Variants in CCDC25 observed in about 807,000 individuals in gnomAD.
The protein encoded by CCDC25 is coiled-coil domain-containing protein 25.
Under a neutral mutation model 35.3 loss-of-function variants are expected in CCDC25, and 16 were observed. The observed-to-expected ratio is 0.45, with a 90% CI of 0.31 to 0.69. The LOEUF is 0.69. Among genes scored for constraint, CCDC25 ranks in the 30% least tolerant of loss-of-function variants. CCDC25 has a pLI of 0.06. For missense variants in CCDC25, 179 were observed against 250.7 expected (o/e 0.71, Z 1.93); for synonymous variants, 79 against 80.3 (o/e 0.98, Z 0.09).
chr8:27,757,329 G>T (rs1277882813), intron 3 of CCDC25, among the ~76,000 whole-genome samples: 2 of 152,212 alleles, frequency 1.3e-5, no homozygotes, highest in Admixed American at 1.3e-4. Context: ...AGAGCTGGAA[G>T]AGTTAGGTGG....
chr8:27,740,458 C>G lies in CCDC25; in HGVS notation c.597+14G>C. 1 of 1,609,578 alleles carries G rather than the reference C, an allele frequency of 6.2e-7. No individual in the cohort carries two copies. The highest frequency in any genetic ancestry group is 8.5e-7 in the Non-Finnish European group (1 of 1,177,788). On this transcript the variant is annotated intron_variant, in intron 8 of 8. Transcript: ENST00000356537. The stretch of plus-strand genomic sequence containing the variant: ...ATTTCAAGGCAAACATTCATGCAAA[C>G]CACTTGAACATACCTGATTTGAAGA...
At chr8:27,754,568 G>A (rs1213631201) in intron 4 of CCDC25, 1 of 152,300 alleles carries the variant, frequency 6.6e-6, no homozygotes, top group Non-Finnish European at 1.5e-5. Flanking sequence ...ATGGCTCACT[G>A]AAGCCTCAGC....
chr8:27,736,011 A>C lies in CCDC25; in HGVS notation c.*205T>G. 2.0e-6 allele frequency: 1 copy of C among 495,206 alleles called. No homozygotes were observed. The highest frequency in any genetic ancestry group is 3.6e-6 in the Non-Finnish European group (1 of 279,394). 30.7% of individuals were successfully genotyped at this position (495,206 alleles called of 1,614,324 possible). ...TTTCACTTTAAGTTATATGCTGTCA[A>C]GTTCAACTATTTTATACATATCTGA... On this transcript the variant is annotated 3_prime_UTR_variant, in exon 9 of 9. Transcript: ENST00000356537.
At chr8:27,767,033 A>G (rs975150606) in intron 1 of CCDC25, among the ~76,000 whole-genome samples, 1 of 152,196 alleles carries the variant, frequency 6.6e-6, no homozygotes, top group African/African-American at 2.4e-5. Flanking sequence ...CTGCTATAAA[A>G]CATACAGATG....
chr8:27,744,335 A>G (rs577427137), intron 7 of CCDC25, among the ~76,000 whole-genome samples: 1 of 152,320 alleles, frequency 6.6e-6, no homozygotes, highest in South Asian at 2.1e-4. Flanking sequence ...CACTCACTGC[A>G]CAGACAAAGC....
At chr8:27,754,117 G>GA (rs1454166994) in intron 4 of CCDC25, among the ~76,000 whole-genome samples, 1 of 152,014 alleles carries the variant, frequency 6.6e-6, no homozygotes, top group South Asian at 2.1e-4. Context: ...CCATTCCTAA[G>GA]AATTATTCTA....
At chr8:27,750,141 C>T (rs1009541166) in intron 5 of CCDC25, among the ~76,000 whole-genome samples, 1 of 152,134 alleles carries the variant, frequency 6.6e-6, no homozygotes, top group African/African-American at 2.4e-5. Flanking sequence ...AAAAGGAGAA[C>T]TGATCAAATG....
intron 1 of CCDC25, among the ~76,000 whole-genome samples, chr8:27,766,706 G>C (rs1804411850): frequency 6.6e-6 from 1 of 151,986 alleles, no homozygotes; most frequent in South Asian, 2.1e-4. Context: ...TACCATAATA[G>C]AGTACCAAAA....
chr8:27,758,972 A>G (rs773443743), intron 3 of CCDC25, among the ~76,000 whole-genome samples: 1 of 152,218 alleles, frequency 6.6e-6, no homozygotes, highest in Non-Finnish European at 1.5e-5. Flanking sequence ...AATGGATGAA[A>G]GTATAAGAGA....
At position 27,736,130 on chromosome 8, in the gene CCDC25, A is replaced by G. The variant is rs561280999; in HGVS notation, c.*86T>C. The G allele has an allele frequency of 2.6e-5, 34 of 1,287,726 alleles. 1 individual carries two copies. The South Asian group carries it at 4.6e-4, about 17-fold the overall frequency. 79.8% of individuals were successfully genotyped at this position (1,287,726 alleles called of 1,614,324 possible). ...GAAGGTAGAATTTTGGTTGTATTTT[A>G]TATTTCAGAACACAGATGAAACCAA... is the stretch of plus-strand genomic sequence containing the variant. On this transcript the variant is annotated 3_prime_UTR_variant, in exon 9 of 9. Transcript: ENST00000356537.
At chr8:27,770,676 T>C (rs1485881528) in intron 1 of CCDC25, among the ~76,000 whole-genome samples, 1 of 150,390 alleles carries the variant, frequency 6.6e-6, no homozygotes, top group Non-Finnish European at 1.5e-5. Context: ...GAGGCAGAGG[T>C]TGCAGTGAGC....
At chr8:27,764,310 T>G (rs1804326716) in intron 2 of CCDC25, 1 of 194,116 alleles carries the variant, frequency 5.2e-6, no homozygotes, top group Admixed American at 6.3e-5. Context: ...TCTCGCTGTC[T>G]CTTAAGCTGG....
intron 3 of CCDC25, among the ~76,000 whole-genome samples, chr8:27,758,457 T>G (rs1229749269): frequency 6.6e-6 from 1 of 152,224 alleles, no homozygotes; most frequent in African/African-American, 2.4e-5. Context: ...GAAATGGACA[T>G]AACATCTTAT....
chr8:27,761,256 C>T (rs1038375903), intron 3 of CCDC25, among the ~76,000 whole-genome samples: 10 of 152,180 alleles, frequency 6.6e-5, no homozygotes, highest in Non-Finnish European at 2.9e-5. Flanking sequence ...GCTGCAGCAA[C>T]AGCCTGGGAG....
At chr8:27,747,434 T>A (rs1174070556) in intron 7 of CCDC25, among the ~76,000 whole-genome samples, 1 of 152,218 alleles carries the variant, frequency 6.6e-6, no homozygotes, top group East Asian at 1.9e-4. Flanking sequence ...CCAGTGAGAA[T>A]CTTGCTGGAC....
chr8:27,742,474 A>C (rs1456211197), intron 7 of CCDC25, among the ~76,000 whole-genome samples: 4 of 152,242 alleles, frequency 2.6e-5, no homozygotes, highest in Non-Finnish European at 5.9e-5. Context: ...TCACTTGTGA[A>C]GATTTAACTG....
intron 2 of CCDC25, among the ~76,000 whole-genome samples, chr8:27,762,724 A>G (rs1804269511): frequency 6.6e-6 from 1 of 152,166 alleles, no homozygotes; most frequent in African/African-American, 2.4e-5. Context: ...AGATAATAAA[A>G]CTAACACTGA....
rs1349395792 is a variant in CCDC25 at position 27,772,517 on chromosome 8, G to A, written c.24C>T (p.Ser8=). 5 of 1,549,888 alleles carry A rather than the reference G, an allele frequency of 3.2e-6. No homozygotes were observed. Among genetic ancestry groups the A allele is most frequent in the Non-Finnish European group, 4.4e-6 (5 of 1,146,668 alleles). The part of the protein sequence containing the change: MVFYFTS[S]SVNSSAYTIY... Reference sequence around the variant, plus strand: ...GAGGACGTGGCGCCCACTCACCGCTGCTGCTGGTGAAGTAGAACACCATGA... The same window carrying A: ...GAGGACGTGGCGCCCACTCACCGCTACTGCTGGTGAAGTAGAACACCATGA... The change falls in exon 1 of 9, where the codon AGC becomes AGT. Residue 8 remains serine (S), a synonymous_variant. Coordinates refer to ENST00000356537, the MANE Select transcript of CCDC25 (RefSeq NM_018246.3).
intron 5 of CCDC25, among the ~76,000 whole-genome samples, chr8:27,750,803 C>G (rs1242464294): frequency 1.3e-5 from 2 of 152,144 alleles, no homozygotes; most frequent in Non-Finnish European, 2.9e-5. Flanking sequence ...AGATTCTAGA[C>G]CTATGACCCA....
Sources: gnomAD v4.1 joint callset for allele counts (sites outside exome capture counted in the v4.1 genomes callset) on GRCh38, gnomAD v4.1.1 for gene constraint, MANE v1.5 for transcripts, NCBI Gene and HGNC (gene_info 2026-07-23, HGNC 2026-07-21) for gene names.